CENPN: variants seen among roughly 807,000 people sequenced by gnomAD.
The protein encoded by CENPN is centromere protein N, also known as interphase centromere complex protein 32.
A neutral mutation model predicts 48.6 loss-of-function variants in CENPN; 36 were observed. That is an observed-to-expected ratio of 0.74 (90% CI 0.57 to 0.98). CENPN has a LOEUF of 0.98. CENPN is among the 50% of genes least tolerant of loss of function. CENPN has a pLI of 0.00. For missense variants in CENPN, 439 were observed against 399.2 expected (o/e 1.10, Z -0.85); for synonymous variants, 166 against 135.2 (o/e 1.23, Z -1.58).
At chr16:81,014,758 A>G (rs1205794278) in intron 3 of CENPN, among the ~76,000 whole-genome samples, 1 of 152,112 alleles carries the variant, frequency 6.6e-6, no homozygotes, top group East Asian at 2.0e-4. Context: ...AACACAAAGT[A>G]AATGTTTGGC....
chr16:81,019,914 TA>T (rs1171893296), intron 5 of CENPN, among the ~76,000 whole-genome samples, 185 bp from the exon 6 acceptor site: 3 of 149,578 alleles, frequency 2.0e-5, no homozygotes, highest in African/African-American at 7.4e-5. Flanking sequence ...TTTTTTTTTT[TA>T]AAATCACAAA....
At chr16:81,032,961 A>G (rs1416387498), downstream of CENPN, 7 of 292,500 alleles carry the variant, frequency 2.4e-5, no homozygotes, top group Non-Finnish European at 3.8e-5. Context: ...TTAATCAGCT[A>G]TGCTGCCTCG....
intron 5 of CENPN, among the ~76,000 whole-genome samples, chr16:81,018,258 C>G (rs1970014825): frequency 6.6e-6 from 1 of 151,868 alleles, no homozygotes; most frequent in South Asian, 2.1e-4. Context: ...CTCACTGCAA[C>G]TGCCTCCTGG....
intron 10 of CENPN, 83 bp downstream of exon 10, chr16:81,028,380 A>T: frequency 1.9e-6 from 3 of 1,544,024 alleles, no homozygotes; most frequent in Non-Finnish European, 2.7e-6. Context: ...ATTACTTCTG[A>T]GCTCACCCAT....
chr16:81,020,003 A>G, intron 5 of CENPN, 97 bp from the exon 6 acceptor site: 1 of 994,084 alleles, frequency 1.0e-6, no homozygotes, highest in Non-Finnish European at 1.5e-6. Context: ...ACAAGAGTAT[A>G]GGGACATCAT....
intron 1 of CENPN, among the ~76,000 whole-genome samples, chr16:81,010,543 G>A (rs1447630866): frequency 6.6e-6 from 1 of 152,142 alleles, no homozygotes; most frequent in Non-Finnish European, 1.5e-5. Context: ...TTCACAGGCG[G>A]TGCATTAAAG....
chr16:81,018,123 T>C (rs1258637775), intron 5 of CENPN, among the ~76,000 whole-genome samples: 1 of 152,146 alleles, frequency 6.6e-6, no homozygotes, highest in Non-Finnish European at 1.5e-5. Flanking sequence ...CAGCCACATG[T>C]AGCTGCTGAG....
At position 81,031,456 on chromosome 16, in the gene CENPN, G is replaced by A. The variant is rs1302231892; in HGVS notation, c.*2805G>A. 1 of 152,116 alleles carries A rather than the reference G, an allele frequency of 6.6e-6. No homozygotes were observed. The highest frequency in any genetic ancestry group is 1.5e-5 in the Non-Finnish European group (1 of 68,036). 9.4% of individuals were successfully genotyped at this position (152,116 alleles called of 1,614,324 possible). A position where few individuals can be genotyped will look rare whatever the true frequency, so the allele number is the denominator to read the frequency against. ...CTGTCTCCCAAATTGCAATTCCTAA[G>A]ACCTCAATAAAAACACCTTGTCTTG... is the stretch of plus-strand genomic sequence containing the variant. On this transcript the variant is annotated 3_prime_UTR_variant, in exon 11 of 11. Coordinates refer to ENST00000305850, the MANE Select transcript of CENPN (RefSeq NM_001100624.3).
intron 1 of CENPN, among the ~76,000 whole-genome samples, chr16:81,008,938 G>C (rs1969624235): frequency 6.6e-6 from 1 of 152,250 alleles, no homozygotes; most frequent in Middle Eastern, 3.2e-3. Flanking sequence ...CTGGTGCAGA[G>C]GCTCACGCCT....
At chr16:81,027,741 G>A (rs1346134286) in intron 9 of CENPN, among the ~76,000 whole-genome samples, 1 of 152,150 alleles carries the variant, frequency 6.6e-6, no homozygotes, top group Non-Finnish European at 1.5e-5. Context: ...GTTTCACTCT[G>A]TTGCCCAGGC....
chr16:81,012,629 T>C lies in CENPN; in HGVS notation c.171+519T>C, dbSNP rs147353671. Among the ~76,000 whole-genome samples the C allele has an allele frequency of 1.4e-3, 214 of 152,382 alleles. 1 individual carries two copies. Among genetic ancestry groups the C allele is most frequent in the African/African-American group, 4.9e-3 (203 of 41,592 alleles). ...ATTTATTTTTGAGACAGAGTCTTGC[T>C]CTGTCATCCATGCTGGAGTGCAGTG... On this transcript the variant is annotated intron_variant, in intron 2 of 10. Coordinates refer to ENST00000305850, the MANE Select transcript of CENPN (RefSeq NM_001100624.3).
intron 7 of CENPN, chr16:81,023,111 G>T: frequency 1.1e-5 from 4 of 363,736 alleles, no homozygotes; most frequent in South Asian, 2.8e-5. Context: ...GAAAAGCAGT[G>T]GTTTTTTAAA....
intron 10 of CENPN, 38 bp downstream of exon 10, chr16:81,028,335 A>G: frequency 1.2e-6 from 2 of 1,607,900 alleles, no homozygotes; most frequent in East Asian, 2.2e-5. Context: ...AGAAAAATTA[A>G]CAACATGCCT....
At position 81,012,359 on chromosome 16, in the gene CENPN, C is replaced by A. The variant is rs116025491; in HGVS notation, c.171+249C>A. Among the ~76,000 whole-genome samples, 10 of 152,074 alleles carry A rather than the reference C, an allele frequency of 6.6e-5. No homozygotes were observed. In the East Asian group the frequency reaches 1.7e-3, roughly 26 times the overall value. ...GAAAAAACAGTACAAATTAAAATAACGAGCAGTATTTTTCGCAGTATTTTT... is the reference window on the plus strand; with the variant it reads ...GAAAAAACAGTACAAATTAAAATAAAGAGCAGTATTTTTCGCAGTATTTTT... On this transcript the variant is annotated intron_variant, in intron 2 of 10. Coordinates refer to ENST00000305850, the MANE Select transcript of CENPN (RefSeq NM_001100624.3).
At chr16:81,022,956 GA>G (rs1413931781) in intron 7 of CENPN, 3 of 1,325,098 alleles carry the variant, frequency 2.3e-6, no homozygotes, top group Non-Finnish European at 3.1e-6. Flanking sequence ...CAAATCACCT[GA>G]TCACACTAGA....
At chr16:81,027,894 G>A (rs1051932117) in intron 9 of CENPN, among the ~76,000 whole-genome samples, 3 of 152,016 alleles carry the variant, frequency 2.0e-5, no homozygotes, top group African/African-American at 7.3e-5. Context: ...TAGTTAAGAC[G>A]GGGTTTCACC....
chr16:81,011,978 C>T lies in CENPN; in HGVS notation c.39C>T (p.Ile13=). 6.2e-7 allele frequency: 1 copy of T among 1,614,198 alleles called. No individual in the cohort carries two copies. Among genetic ancestry groups the T allele is most frequent in the Non-Finnish European group, 8.5e-7 (1 of 1,180,028 alleles). ...TTGCTGAGTTCATCAAGAGGACCAT[C>T]TTGAAAATCCCCATGAATGAACTGA... is the stretch of plus-strand genomic sequence containing the variant. ...ETVAEFIKRT[I]LKIPMNELTT... The change falls in exon 2 of 11, where the codon ATC becomes ATT. Residue 13 remains isoleucine (I), a synonymous_variant. Transcript: ENST00000305850.
downstream of CENPN, chr16:81,032,492 C>T (rs1348206564): frequency 9.1e-6 from 13 of 1,433,358 alleles, no homozygotes; most frequent in South Asian, 2.6e-5. Flanking sequence ...CCACCAGGCA[C>T]GTTAATAAAA....
chr16:81,028,552 T>A lies in CENPN; in HGVS notation c.938-17T>A, dbSNP rs114305409. On this transcript the variant is annotated splice_polypyrimidine_tract_variant and intron_variant, in intron 10 of 10. Coordinates refer to ENST00000305850, the MANE Select transcript of CENPN (RefSeq NM_001100624.3). ...CTTTTAATTTTCTTTTTCCCTTTTTTTTTTTTTTAATTTCAGGTATTGCAG... is the reference window on the plus strand; with the variant it reads ...CTTTTAATTTTCTTTTTCCCTTTTTATTTTTTTTAATTTCAGGTATTGCAG... 4 of 1,593,098 alleles carry A rather than the reference T, an allele frequency of 2.5e-6. No individual in the cohort carries two copies. Among genetic ancestry groups the A allele is most frequent in the Non-Finnish European group, 3.4e-6 (4 of 1,171,666 alleles).
Sources: gnomAD v4.1 joint callset for allele counts (sites outside exome capture counted in the v4.1 genomes callset) on GRCh38, gnomAD v4.1.1 for gene constraint, MANE v1.5 for transcripts, NCBI Gene and HGNC (gene_info 2026-07-23, HGNC 2026-07-21) for gene names.